ZNF804A: variants seen among roughly 807,000 people sequenced by gnomAD.
ZNF804A encodes the protein zinc finger protein 804A.
In ZNF804A, 2 loss-of-function variants were observed where a neutral mutation model predicts 16.5. That is an observed-to-expected ratio of 0.12 (90% confidence interval 0.05 to 0.38). The LOEUF (loss-of-function observed/expected upper bound fraction) is 0.38. Among genes scored for constraint, ZNF804A ranks in the 10% least tolerant of loss-of-function variants. The pLI, the probability that ZNF804A is intolerant of heterozygous loss-of-function variation, is 0.99. For synonymous variants in ZNF804A, 534 were observed against 489.6 expected, an observed-to-expected ratio of 1.09 and a Z score of -1.20; for missense variants, 1,473 against 1,390.7, an observed-to-expected ratio of 1.06 and a Z score of -0.94.
rs897283484 is a variant in ZNF804A at position 184,784,142 on chromosome 2, A to G, written c.112-82227A>G. 2.0e-5 allele frequency among the ~76,000 whole-genome samples: 3 copies of G among 151,860 alleles called. No individual in the cohort carries two copies. The Admixed American group carries it at 2.0e-4, about 10-fold the overall frequency. ...AGGTGCTCATGAATCACTGTGCTTC[A>G]TGTTTTAGGTGGGGCTCAATACAAC... On this transcript the variant is annotated intron_variant, in intron 1 of 3. Transcript: ENST00000302277.
chr2:184,901,793 T>C (rs1449990471), intron 2 of ZNF804A, among the ~76,000 whole-genome samples: 2 of 152,100 alleles, frequency 1.3e-5, no homozygotes, highest in Non-Finnish European at 2.9e-5. Context: ...TTGCTAATTA[T>C]AAACCTTGGT....
rs543603940 is a variant in ZNF804A, at chr2:184,624,603, C to T, written c.111+25533C>T. Reference sequence around the variant, plus strand: ...TTTGAATTATTCATAACAGAGGTTCCAGGTTGTAACTAAAAAATGGGGCTC... The same window carrying T: ...TTTGAATTATTCATAACAGAGGTTCTAGGTTGTAACTAAAAAATGGGGCTC... On this transcript the variant is annotated intron_variant, in intron 1 of 3. Coordinates refer to ENST00000302277, the MANE Select transcript of ZNF804A (RefSeq NM_194250.2). Among the ~76,000 whole-genome samples, 4 of 152,162 alleles carry T rather than the reference C, an allele frequency of 2.6e-5. No homozygotes were observed. In the South Asian group the frequency reaches 6.2e-4, roughly 24 times the overall value.
At chr2:184,853,678 T>G (rs957176987) in intron 1 of ZNF804A, among the ~76,000 whole-genome samples, 2 of 151,878 alleles carry the variant, frequency 1.3e-5, no homozygotes, top group Non-Finnish European at 2.9e-5. Flanking sequence ...TTCTTTCTAT[T>G]AATATGGTGT....
chr2:184,915,746 A>G (rs926489795), intron 2 of ZNF804A, among the ~76,000 whole-genome samples: 2 of 152,150 alleles, frequency 1.3e-5, no homozygotes, highest in African/African-American at 4.8e-5. Context: ...AATCTAAAGA[A>G]CGAGAGGCCT....
intron 2 of ZNF804A, among the ~76,000 whole-genome samples, chr2:184,894,149 C>G (rs1685030640): frequency 6.6e-6 from 1 of 151,924 alleles, no homozygotes; most frequent in African/African-American, 2.4e-5. Context: ...GGAAAGGAAA[C>G]AAAGCTTACC....
chr2:184,866,587 TATG>T, intron 2 of ZNF804A, 75 bp downstream of exon 2: 1 of 1,203,918 alleles, frequency 8.3e-7, no homozygotes, highest in Non-Finnish European at 1.1e-6. Flanking sequence ...ACTCTATGAA[TATG>T]ATATGATATT....
intron 1 of ZNF804A, among the ~76,000 whole-genome samples, chr2:184,757,553 T>A (rs888201018): frequency 6.6e-6 from 1 of 151,992 alleles, no homozygotes; most frequent in East Asian, 1.9e-4. Context: ...TCTTGGATGC[T>A]TTTCTCTTTC....
At chr2:184,781,751 C>T (rs935489949) in intron 1 of ZNF804A, among the ~76,000 whole-genome samples, 3 of 151,694 alleles carry the variant, frequency 2.0e-5, no homozygotes, top group Admixed American at 1.3e-4. Flanking sequence ...CATCTTTGTG[C>T]AAGAGAAAAC....
chr2:184,648,395 A>C (rs949864241), intron 1 of ZNF804A, among the ~76,000 whole-genome samples: 4 of 152,212 alleles, frequency 2.6e-5, no homozygotes, highest in African/African-American at 7.2e-5. Flanking sequence ...TGATAGGATA[A>C]AAATCTCACA....
chr2:184,844,329 T>C (rs768312713), intron 1 of ZNF804A, among the ~76,000 whole-genome samples: 2 of 152,128 alleles, frequency 1.3e-5, no homozygotes, highest in South Asian at 4.1e-4. Flanking sequence ...TAACCTTCAT[T>C]TATTCCTTCT....
At chr2:184,809,726 G>T (rs1323531368) in intron 1 of ZNF804A, among the ~76,000 whole-genome samples, 1 of 151,730 alleles carries the variant, frequency 6.6e-6, no homozygotes, top group Non-Finnish European at 1.5e-5. Flanking sequence ...AATTATCCCT[G>T]TGTGTCTATA....
chr2:184,693,457 C>T (rs1376996575), intron 1 of ZNF804A, among the ~76,000 whole-genome samples: 1 of 152,144 alleles, frequency 6.6e-6, no homozygotes, highest in African/African-American at 2.4e-5. Context: ...ATCCGCAGCT[C>T]ATAATTTATG....
chr2:184,614,229 A>C (rs564383296), intron 1 of ZNF804A, among the ~76,000 whole-genome samples: 2 of 152,352 alleles, frequency 1.3e-5, no homozygotes, highest in South Asian at 2.1e-4. Context: ...CTGGCTAGCC[A>C]TAGGCAGAAA....
At chr2:184,794,557 A>C (rs1178227811) in intron 1 of ZNF804A, among the ~76,000 whole-genome samples, 1 of 151,990 alleles carries the variant, frequency 6.6e-6, no homozygotes, top group African/African-American at 2.4e-5. Flanking sequence ...CTTAAATCTC[A>C]TAGTACCTAT....
chr2:184,766,133 C>T (rs546736856), intron 1 of ZNF804A, among the ~76,000 whole-genome samples: 16 of 152,140 alleles, frequency 1.1e-4, no homozygotes, highest in Non-Finnish European at 7.4e-5. Flanking sequence ...TGCATGTAAA[C>T]GTGCCTATTA....
chr2:184,932,298 C>T (rs1685714867), intron 2 of ZNF804A, among the ~76,000 whole-genome samples: 1 of 152,152 alleles, frequency 6.6e-6, no homozygotes, highest in South Asian at 2.1e-4. Flanking sequence ...AGTAAAGACA[C>T]ATCTGAGATT....
In ZNF804A at chr2:184,658,433, A is replaced by G. The variant is rs549924434; in HGVS notation, c.111+59363A>G. Among the ~76,000 whole-genome samples, 3 of 152,352 alleles carry G rather than the reference A, an allele frequency of 2.0e-5. No individual in the cohort carries two copies. In the South Asian group the frequency reaches 6.2e-4, roughly 32 times the overall value. ...GGTTGCAGTGAGCCAAGATTGTGCCACTGCACTCCAGCCTGGGCAGCAGAG... is the reference window on the plus strand; with the variant it reads ...GGTTGCAGTGAGCCAAGATTGTGCCGCTGCACTCCAGCCTGGGCAGCAGAG... On this transcript the variant is annotated intron_variant, in intron 1 of 3. Coordinates refer to ENST00000302277, the MANE Select transcript of ZNF804A (RefSeq NM_194250.2).
chr2:184,605,723 G>A (rs1019860048), intron 1 of ZNF804A, among the ~76,000 whole-genome samples: 1 of 152,098 alleles, frequency 6.6e-6, no homozygotes, highest in African/African-American at 2.4e-5. Context: ...TAAGGGACTT[G>A]AGAATCTGTA....
At position 184,705,957 on chromosome 2, in the gene ZNF804A, G is replaced by A. The variant is rs78967471; in HGVS notation, c.111+106887G>A. Among the ~76,000 whole-genome samples, 700 of 152,238 alleles carry A rather than the reference G, an allele frequency of 4.6e-3. 11 individuals carry two copies. The highest frequency in any genetic ancestry group is 0.015 in the African/African-American group (635 of 41,536). On this transcript the variant is annotated intron_variant, in intron 1 of 3. Coordinates refer to ENST00000302277, the MANE Select transcript of ZNF804A (RefSeq NM_194250.2). ...TCAATGAGAAGAGTAGCTGAGGAAAGAGGCTGACTGCTATTCACTTGATTA... is the reference window on the plus strand; with the variant it reads ...TCAATGAGAAGAGTAGCTGAGGAAAAAGGCTGACTGCTATTCACTTGATTA...
Sources: gnomAD v4.1 joint callset for allele counts (sites outside exome capture counted in the v4.1 genomes callset) on GRCh38, gnomAD v4.1.1 for gene constraint, MANE v1.5 for transcripts, NCBI Gene and HGNC (gene_info 2026-07-23, HGNC 2026-07-21) for gene names.